ZNF407: variants seen among roughly 807,000 people sequenced by gnomAD.
The protein encoded by ZNF407 is zinc finger protein 407.
A neutral mutation model predicts 131.2 loss-of-function variants in ZNF407; 17 were observed. The observed-to-expected ratio is 0.13, with a 90% CI of 0.09 to 0.19. ZNF407 has a LOEUF of 0.19. ZNF407 is among the 10% of genes least tolerant of loss of function. ZNF407 has a pLI of 1.00. For synonymous variants in ZNF407, 1,156 were observed against 1,062.0 expected, an observed-to-expected ratio of 1.09 and a Z score of -1.72; for missense variants, 2,681 against 2,830.6, an observed-to-expected ratio of 0.95 and a Z score of 1.20.
At chr18:74,992,430 C>T (rs1972729495) in intron 8 of ZNF407, among the ~76,000 whole-genome samples, 1 of 152,000 alleles carries the variant, frequency 6.6e-6, no homozygotes, top group South Asian at 2.1e-4. Flanking sequence ...TTAGAGAACT[C>T]GTTGTGGGTC....
chr18:74,669,054 G>A (rs191130574), intron 3 of ZNF407, among the ~76,000 whole-genome samples: 1 of 152,156 alleles, frequency 6.6e-6, no homozygotes, highest in African/African-American at 2.4e-5. Context: ...GAGGAGCCCC[G>A]TCATCACTGT....
At chr18:74,841,187 G>C (rs1454190994) in intron 4 of ZNF407, among the ~76,000 whole-genome samples, 2 of 152,184 alleles carry the variant, frequency 1.3e-5, no homozygotes, top group Non-Finnish European at 2.9e-5. Flanking sequence ...GCTCTTATAA[G>C]GTGGGCCAAT....
At chr18:74,875,473 A>T (rs1327785402) in intron 4 of ZNF407, among the ~76,000 whole-genome samples, 1 of 152,212 alleles carries the variant, frequency 6.6e-6, no homozygotes, top group African/African-American at 2.4e-5. Flanking sequence ...ATCTGGAGAA[A>T]CTATTTGTTA....
chr18:74,851,652 T>C (rs1244314954), intron 4 of ZNF407, among the ~76,000 whole-genome samples: 1 of 152,100 alleles, frequency 6.6e-6, no homozygotes, highest in Non-Finnish European at 1.5e-5. Context: ...TGAACACAAA[T>C]ATTGTTATAT....
chr18:74,803,404 C>G (rs759617226), intron 4 of ZNF407, among the ~76,000 whole-genome samples: 3 of 152,062 alleles, frequency 2.0e-5, no homozygotes, highest in Non-Finnish European at 4.4e-5. Flanking sequence ...CTGGAAACTT[C>G]CTGTTTTCTG....
chr18:74,676,302 G>A (rs960743399), intron 3 of ZNF407, among the ~76,000 whole-genome samples: 1 of 152,092 alleles, frequency 6.6e-6, no homozygotes, highest in African/African-American at 2.4e-5. Flanking sequence ...GTGTTGCCCA[G>A]GCTGGTCTCA....
In ZNF407 at chr18:74,857,290, G is replaced by A. The variant is rs552585514; in HGVS notation, c.4878-19907G>A. 9.9e-5 allele frequency among the ~76,000 whole-genome samples: 15 copies of A among 152,230 alleles called. No individual in the cohort carries two copies. The South Asian group carries it at 2.9e-3, about 29-fold the overall frequency. On this transcript the variant is annotated intron_variant, in intron 4 of 8. Coordinates refer to ENST00000299687, the MANE Select transcript of ZNF407 (RefSeq NM_017757.3). ...ATTTATGAATAATTTGTTTTCTTCT[G>A]CTAATTTTGGGGGAATAACCATACT...
At chr18:74,786,439 T>C (rs968981976) in intron 4 of ZNF407, among the ~76,000 whole-genome samples, 7 of 152,016 alleles carry the variant, frequency 4.6e-5, no homozygotes, top group Non-Finnish European at 8.8e-5. Flanking sequence ...TTATTTCTTA[T>C]TTTTTTTCCA....
At chr18:74,624,809 T>G (rs527539733) in intron 1 of ZNF407, among the ~76,000 whole-genome samples, 10 of 152,260 alleles carry the variant, frequency 6.6e-5, no homozygotes, top group Non-Finnish European at 1.5e-4. Flanking sequence ...CTCCTTGAGA[T>G]ATTTAACTGT....
chr18:74,900,218 G>A (rs80070958), intron 7 of ZNF407, among the ~76,000 whole-genome samples: 1,573 of 152,226 alleles, frequency 0.01, 25 homozygotes, highest in African/African-American at 0.035. Flanking sequence ...GAACACTCCC[G>A]AGTTGAGCCA....
intron 6 of ZNF407, 65 bp from the exon 7 acceptor site, chr18:74,889,853 A>G (rs905660961): frequency 1.4e-6 from 2 of 1,440,030 alleles, no homozygotes; most frequent in Non-Finnish European, 1.9e-6. Context: ...TGTCAATACC[A>G]GGTTTATTCC....
chr18:75,039,642 A>T (rs937196624), intron 8 of ZNF407, among the ~76,000 whole-genome samples: 23 of 151,924 alleles, frequency 1.5e-4, no homozygotes, highest in Non-Finnish European at 2.2e-4. Context: ...ATGTTTTTTT[A>T]AATATCTTAT....
chr18:74,797,934 T>C (rs1291823491), intron 4 of ZNF407, among the ~76,000 whole-genome samples: 1 of 152,132 alleles, frequency 6.6e-6, no homozygotes, highest in Admixed American at 6.6e-5. Flanking sequence ...TAATCCATTT[T>C]AGCGCATCCG....
In ZNF407 at chr18:74,781,468, C is replaced by T; in HGVS notation, c.4843C>T (p.Leu1615=). 1 of 1,544,186 alleles carries T rather than the reference C, an allele frequency of 6.5e-7. No homozygotes were observed. Among genetic ancestry groups the T allele is most frequent in the Non-Finnish European group, 8.7e-7 (1 of 1,145,300 alleles). Residue 1615 remains leucine, a synonymous_variant, in exon 4 of 9, where the codon CTA becomes TTA. Transcript: ENST00000299687. Reference sequence around the variant, plus strand: ...GAAGAAGCACTTAAATACTCATCTACTAGGCAAGCATGGAGTTGGCACCCC... The same window carrying T: ...GAAGAAGCACTTAAATACTCATCTATTAGGCAAGCATGGAGTTGGCACCCC... ...VMKKHLNTHL[L]GKHGVGTPKE...
intron 8 of ZNF407, among the ~76,000 whole-genome samples, chr18:75,028,341 G>C (rs1046568400): frequency 1.3e-5 from 2 of 152,278 alleles, no homozygotes; most frequent in East Asian, 3.9e-4. Flanking sequence ...CGTCTTCCCT[G>C]TGTCTTCACG....
Position 74,645,637 on chromosome 18 carries a change from TTGTGTGTG to T in ZNF407, c.4802+4546_4802+4553del, listed in dbSNP as rs35047949. Among the ~76,000 whole-genome samples the T allele has an allele frequency of 1.8e-3, 261 of 145,278 alleles. 1 individual carries two copies. Among genetic ancestry groups the T allele is most frequent in the Middle Eastern group, 3.5e-3 (1 of 284 alleles). On this transcript the variant is annotated intron_variant, in intron 3 of 8. Transcript: ENST00000299687. ...AAAGTTACTAATGCAGTAAAACTCT[TTGTGTGTG>T]TGTGTGTGTGTGTGTGTGTGTGTGT...
rs528838514 is a variant in ZNF407 at position 74,625,182 on chromosome 18, C to G, written c.-53-5785C>G. ...ATTTAGAAATTCAGTTGTGAAATAACAAATGTGGAAACTTTTTTCCTTTTG... is the reference window on the plus strand; with the variant it reads ...ATTTAGAAATTCAGTTGTGAAATAAGAAATGTGGAAACTTTTTTCCTTTTG... On this transcript the variant is annotated intron_variant, in intron 1 of 8. Coordinates refer to ENST00000299687, the MANE Select transcript of ZNF407 (RefSeq NM_017757.3). Among the ~76,000 whole-genome samples, 5 of 152,248 alleles carry G rather than the reference C, an allele frequency of 3.3e-5. No homozygotes were observed. The South Asian group carries it at 1.0e-3, about 32-fold the overall frequency.
At chr18:74,674,863 G>A (rs1462231373) in intron 3 of ZNF407, among the ~76,000 whole-genome samples, 3 of 152,142 alleles carry the variant, frequency 2.0e-5, no homozygotes, top group African/African-American at 7.2e-5. Context: ...ATACCCCCTC[G>A]CTGGGTAGTG....
At chr18:74,718,233 G>C (rs1450803450) in intron 3 of ZNF407, among the ~76,000 whole-genome samples, 2 of 150,482 alleles carry the variant, frequency 1.3e-5, no homozygotes, top group African/African-American at 4.9e-5. Context: ...CTGGCTGCCA[G>C]AAGGAACCAG....
Sources: gnomAD v4.1 joint callset for allele counts (sites outside exome capture counted in the v4.1 genomes callset) on GRCh38, gnomAD v4.1.1 for gene constraint, MANE v1.5 for transcripts, NCBI Gene and HGNC (gene_info 2026-07-23, HGNC 2026-07-21) for gene names.